The following TMEM220 variants were observed in gnomAD, a reference collection of about 807,000 sequenced individuals.
TMEM220 encodes transmembrane protein 220.
In TMEM220, 21 loss-of-function variants were observed where a neutral mutation model predicts 21.7. The observed-to-expected ratio is 0.97, with a 90% CI of 0.69 to 1.39. The LOEUF is 1.39. Ranked by LOEUF, TMEM220 falls within the 40% of genes most tolerant of loss-of-function variation. The pLI, the probability that TMEM220 is intolerant of heterozygous loss-of-function variation, is 0.00. For synonymous variants in TMEM220, 80 were observed against 73.6 expected, an observed-to-expected ratio of 1.09 and a Z score of -0.45; for missense variants, 191 against 201.9, an observed-to-expected ratio of 0.95 and a Z score of 0.33.
At chr17:10,716,142 A>T (rs2074917309) in intron 5 of TMEM220, 1 of 863,584 alleles carries the variant, frequency 1.2e-6, no homozygotes, top group African/African-American at 1.7e-5. Context: ...CCTGGACAGG[A>T]TAATAAAATA....
intron 4 of TMEM220, among the ~76,000 whole-genome samples, chr17:10,723,552 G>C (rs1417868745): frequency 6.6e-6 from 1 of 152,132 alleles, no homozygotes. Context: ...ATCTTAAAAG[G>C]CAGGTATGAG....
At chr17:10,728,975 G>GT in intron 2 of TMEM220, 56 bp downstream of exon 2, 1 of 1,584,046 alleles carries the variant, frequency 6.3e-7, no homozygotes, top group South Asian at 1.1e-5. Flanking sequence ...CGTGTGTTTT[G>GT]TGCCGTTCCC....
chr17:10,716,058 C>T (rs1411152230), intron 5 of TMEM220: 6 of 680,668 alleles, frequency 8.8e-6, no homozygotes, highest in Non-Finnish European at 1.6e-5. Context: ...CCCATGTCCA[C>T]ATCAATATTC....
chr17:10,729,118 A>C (rs1372495945), intron 1 of TMEM220, 58 bp from the exon 2 acceptor site: 1 of 1,595,934 alleles, frequency 6.3e-7, no homozygotes, highest in African/African-American at 1.3e-5. Context: ...CATTCCTTTT[A>C]AATTCATTTA....
rs2074882133 is a variant in TMEM220 at position 10,714,304 on chromosome 17, G to T, written c.*1149C>A. ...CATAAAATTTGCAATTGGAAAATTA[G>T]ATTCAAATACCCAAGTTGTTCCAAA... On this transcript the variant is annotated 3_prime_UTR_variant, in exon 6 of 6. Transcript: ENST00000341871. The T allele has an allele frequency of 6.6e-6, 1 of 150,422 alleles. No homozygotes were observed. Among genetic ancestry groups the T allele is most frequent in the East Asian group, 1.9e-4 (1 of 5,138 alleles). 9.3% of individuals were successfully genotyped at this position (150,422 alleles called of 1,614,324 possible).
chr17:10,716,204 T>A (rs1251825677), intron 5 of TMEM220: 4 of 881,876 alleles, frequency 4.5e-6, no homozygotes, highest in Non-Finnish European at 7.3e-6. Flanking sequence ...AGGGAACCAA[T>A]TTTTGATGTT....
At chr17:10,722,999 T>G (rs981589421) in intron 5 of TMEM220, among the ~76,000 whole-genome samples, 6 of 151,732 alleles carry the variant, frequency 4.0e-5, no homozygotes, top group Non-Finnish European at 8.8e-5. Flanking sequence ...TTTTTTTTTT[T>G]TGAGAGAGTG....
chr17:10,724,535 G>A (rs142584892), intron 4 of TMEM220: 519 of 155,922 alleles, frequency 3.3e-3, no homozygotes, highest in African/African-American at 0.012. Flanking sequence ...AGCAGAGATC[G>A]CGCCACTGCA....
At position 10,727,353 on chromosome 17, in the gene TMEM220, G is replaced by A. The variant is rs77488329; in HGVS notation, c.103-1089C>T. On this transcript the variant is annotated intron_variant, in intron 2 of 5. Transcript: ENST00000341871. ...GAGGGGCTCTCCAAGGCAGTGGTAA[G>A]GAACAGAGAGATGATAAAGATGACT... Among the ~76,000 whole-genome samples, 146 of 152,186 alleles carry A rather than the reference G, an allele frequency of 9.6e-4. 1 individual carries two copies. In the East Asian group the frequency reaches 0.022, roughly 23 times the overall value.
At chr17:10,721,540 G>A (rs1169265884) in intron 5 of TMEM220, among the ~76,000 whole-genome samples, 1 of 149,894 alleles carries the variant, frequency 6.7e-6, no homozygotes, top group Non-Finnish European at 1.5e-5. Flanking sequence ...GGGAGGCAGA[G>A]GTTGTAGTAA....
rs375902208 is a variant in TMEM220 at position 10,726,165 on chromosome 17, T to C, written c.163+39A>G. Reference sequence around the variant, plus strand: ...AGACCCTCATTATTATGAGGAAATCTGATTTGCTGTCTCTCCATTTAGAAT... The same window carrying C: ...AGACCCTCATTATTATGAGGAAATCCGATTTGCTGTCTCTCCATTTAGAAT... On this transcript the variant is annotated intron_variant, in intron 3 of 5. Coordinates refer to ENST00000341871, the MANE Select transcript of TMEM220 (RefSeq NM_001004313.3). 84 of 1,563,216 alleles carry C rather than the reference T, an allele frequency of 5.4e-5. No individual in the cohort carries two copies. In the African/African-American group the frequency reaches 9.1e-4, roughly 17 times the overall value.
intron 2 of TMEM220, among the ~76,000 whole-genome samples, chr17:10,728,782 G>A (rs143860256): frequency 6.6e-6 from 1 of 152,244 alleles, no homozygotes; most frequent in East Asian, 1.9e-4. Flanking sequence ...GTCCTCAGTT[G>A]GGCCATCTAA....
At chr17:10,724,749 C>T (rs769793439) in intron 4 of TMEM220, among the ~76,000 whole-genome samples, 3 of 152,144 alleles carry the variant, frequency 2.0e-5, no homozygotes, top group Non-Finnish European at 2.9e-5. Flanking sequence ...CAAAGTCCAA[C>T]GGCCTGACAG....
chr17:10,712,498 C>T (rs1180286896), downstream of TMEM220, among the ~76,000 whole-genome samples: 3 of 152,202 alleles, frequency 2.0e-5, no homozygotes, highest in Admixed American at 6.5e-5. Flanking sequence ...ATAATGTACT[C>T]TTGCACTCAT....
Position 10,729,922 on chromosome 17 carries a change from C to T in TMEM220, c.-71G>A. 13 of 1,248,600 alleles carry T rather than the reference C, an allele frequency of 1.0e-5. No individual in the cohort carries two copies. The highest frequency in any genetic ancestry group is 3.2e-5 in the South Asian group (1 of 31,170). 77.3% of individuals were successfully genotyped at this position (1,248,600 alleles called of 1,614,324 possible). On this transcript the variant is annotated 5_prime_UTR_variant, in exon 1 of 6. Transcript: ENST00000341871. ...GGCGGTGAGTCCTGCCACGTACGGT[C>T]CGCCTTCCTCCTTGCGCGGAGGGAC...
At position 10,715,258 on chromosome 17, in the gene TMEM220, G is replaced by A. The variant is rs939499982; in HGVS notation, c.*195C>T. 5.0e-5 allele frequency: 23 copies of A among 463,336 alleles called. No homozygotes were observed. Among genetic ancestry groups the A allele is most frequent in the African/African-American group, 1.6e-4 (8 of 48,562 alleles). 28.7% of individuals were successfully genotyped at this position (463,336 alleles called of 1,614,324 possible). A position where few individuals can be genotyped will look rare whatever the true frequency, so the allele number is the denominator to read the frequency against. ...ATGACACAAGACCCTGCAGAAAGTC[G>A]TCTGGAAAATATCAGACCATCTCTT... On this transcript the variant is annotated 3_prime_UTR_variant, in exon 6 of 6. Coordinates refer to ENST00000341871, the MANE Select transcript of TMEM220 (RefSeq NM_001004313.3).
chr17:10,720,743 CTA>C (rs1158457550), intron 5 of TMEM220, among the ~76,000 whole-genome samples: 3 of 152,118 alleles, frequency 2.0e-5, no homozygotes, highest in African/African-American at 7.2e-5. Context: ...ATACAGAACA[CTA>C]TGCCCAGTAA....
downstream of TMEM220, among the ~76,000 whole-genome samples, chr17:10,712,325 G>A (rs1461487045): frequency 6.6e-6 from 1 of 152,194 alleles, no homozygotes; most frequent in Non-Finnish European, 1.5e-5. Flanking sequence ...AAGGACACTT[G>A]TGGTAACATT....
chr17:10,711,471 T>C (rs1257307309), downstream of TMEM220, among the ~76,000 whole-genome samples: 1 of 152,246 alleles, frequency 6.6e-6, no homozygotes, highest in Non-Finnish European at 1.5e-5. Flanking sequence ...GTGTTAACTA[T>C]GTAACTTCAA....
Sources: allele counts gnomAD v4.1 joint callset (sites outside exome capture counted in the v4.1 genomes callset), GRCh38; gene constraint gnomAD v4.1.1; transcripts MANE v1.5; gene names NCBI Gene and HGNC (gene_info 2026-07-23, HGNC 2026-07-21).